Variants in ARFGAP1 observed in about 807,000 individuals in gnomAD.
ARFGAP1 encodes ADP-ribosylation factor GTPase-activating protein 1.
A neutral mutation model predicts 54.0 loss-of-function variants in ARFGAP1; 26 were observed. The ratio of observed to expected loss-of-function variants is 0.48; its 90% CI spans 0.35 to 0.67. The LOEUF (loss-of-function observed/expected upper bound fraction) is 0.67. Among genes scored for constraint, ARFGAP1 ranks in the 30% least tolerant of loss-of-function variants. The pLI is 0.00. For synonymous variants in ARFGAP1, 248 were observed against 211.9 expected (o/e 1.17, Z -1.48); for missense variants, 525 against 535.8 (o/e 0.98, Z 0.20).
At chr20:63,278,408 C>G (rs1244623388) in intron 6 of ARFGAP1, 1 of 535,476 alleles carries the variant, frequency 1.9e-6, no homozygotes, top group Non-Finnish European at 3.3e-6. Flanking sequence ...CCCCAGCCAG[C>G]CCAGGTGTGA....
At position 63,288,916 on chromosome 20, in the gene ARFGAP1, G is replaced by GCCA; in HGVS notation, c.*1047_*1049dup. Reference sequence around the variant, plus strand: ...TTGTACGTGAGGTGCTCTCCTCCCTGCCACCATGCTCATCACTCTGGCCTT... The same window carrying GCCA: ...TTGTACGTGAGGTGCTCTCCTCCCTGCCACCACCATGCTCATCACTCTGGCCTT... On this transcript the variant is annotated 3_prime_UTR_variant, in exon 13 of 13. Coordinates refer to ENST00000370283, the MANE Select transcript of ARFGAP1 (RefSeq NM_018209.4). 1 of 239,778 alleles carries GCCA rather than the reference G, an allele frequency of 4.2e-6. No individual in the cohort carries two copies. Among genetic ancestry groups the GCCA allele is most frequent in the South Asian group, 5.6e-5 (1 of 17,994 alleles). 14.9% of individuals were successfully genotyped at this position (239,778 alleles called of 1,614,324 possible). A position where few individuals can be genotyped will look rare whatever the true frequency, so the allele number is the denominator to read the frequency against.
At chr20:63,285,829 G>T (rs1411940241) in intron 11 of ARFGAP1, 116 bp downstream of exon 11, 1 of 1,494,660 alleles carries the variant, frequency 6.7e-7, no homozygotes, top group South Asian at 1.2e-5. Flanking sequence ...GGCAGTGGCC[G>T]CTGTCCTCTG....
In ARFGAP1 at chr20:63,286,375, G is replaced by T. The variant is rs1420088451; in HGVS notation, c.844G>T (p.Val282Phe). ...VSQLASKVQGVGSKGWRDVTT... is the reference protein window; with the variant it reads ...VSQLASKVQGFGSKGWRDVTT... ...TCCCGTCTCCTTCCAGGTCCAGGGA[G>T]TCGGTAGTAAGGGATGGCGGGACGT... Residue 282 changes from valine to phenylalanine, a missense_variant, in exon 12 of 13, where the codon GTC becomes TTC. Coordinates refer to ENST00000370283, the MANE Select transcript of ARFGAP1 (RefSeq NM_018209.4). 7.4e-6 allele frequency: 12 copies of T among 1,613,378 alleles called. No homozygotes were observed. The South Asian group carries it at 9.9e-5, about 13-fold the overall frequency.
intron 7 of ARFGAP1, among the ~76,000 whole-genome samples, chr20:63,280,643 G>A (rs2067356134): frequency 6.6e-6 from 1 of 152,228 alleles, no homozygotes; most frequent in Admixed American, 6.5e-5. Flanking sequence ...TGCAGTCATT[G>A]CTACATCTTT....
chr20:63,282,924 G>A (rs1373446695), intron 9 of ARFGAP1, 73 bp downstream of exon 9: 1 of 1,538,594 alleles, frequency 6.5e-7, no homozygotes, highest in African/African-American at 1.4e-5. Flanking sequence ...TGCAGCACCT[G>A]AAGCTGCCTG....
chr20:63,281,274 T>C lies in ARFGAP1; in HGVS notation c.628-17T>C. On this transcript the variant is annotated splice_polypyrimidine_tract_variant and intron_variant, in intron 7 of 12. Coordinates refer to ENST00000370283, the MANE Select transcript of ARFGAP1 (RefSeq NM_018209.4). ...GGTCCCAGTCCTGATGTGGCTGCTC[T>C]TTGTCGCCTCCCTCAGGGCTGGAGC... is the stretch of plus-strand genomic sequence containing the variant. 6.3e-7 allele frequency: 1 copy of C among 1,593,336 alleles called. No homozygotes were observed. The highest frequency in any genetic ancestry group is 8.5e-7 in the Non-Finnish European group (1 of 1,172,092).
chr20:63,282,409 C>T lies in ARFGAP1; in HGVS notation c.685-410C>T, dbSNP rs185186095. On this transcript the variant is annotated intron_variant, in intron 8 of 12. Transcript: ENST00000370283. The stretch of plus-strand genomic sequence containing the variant: ...GCCTGGACTGTGCTGGGCATGGAGC[C>T]GTCCCCACAGCAGGGTAGATGGGGC... Among the ~76,000 whole-genome samples the T allele has an allele frequency of 1.2e-4, 19 of 152,366 alleles. No individual in the cohort carries two copies. The East Asian group carries it at 2.9e-3, about 23-fold the overall frequency.
intron 11 of ARFGAP1, chr20:63,286,028 T>C: frequency 6.5e-7 from 1 of 1,546,800 alleles, no homozygotes; most frequent in Non-Finnish European, 8.7e-7. Flanking sequence ...TGCGGGCCAT[T>C]TGGGGCGTGC....
chr20:63,284,390 C>G (rs1241511138), intron 9 of ARFGAP1: 12 of 1,072,040 alleles, frequency 1.1e-5, no homozygotes, highest in Middle Eastern at 2.9e-4. Context: ...ACTCCACTGA[C>G]CCAGGATCAG....
chr20:63,288,134 C>T lies in ARFGAP1; in HGVS notation c.*261C>T, dbSNP rs1304845912. 3 of 601,054 alleles carry T rather than the reference C, an allele frequency of 5.0e-6. No homozygotes were observed. Among genetic ancestry groups the T allele is most frequent in the Non-Finnish European group, 9.1e-6 (3 of 331,452 alleles). 37.2% of individuals were successfully genotyped at this position (601,054 alleles called of 1,614,324 possible). ...CCCCTGGGCATTCTTGGACTCAAGG[C>T]CGGGGCTCTGCGTGGCTTGCTGGGA... On this transcript the variant is annotated 3_prime_UTR_variant, in exon 13 of 13. Transcript: ENST00000370283.
At position 63,286,047 on chromosome 20, in the gene ARFGAP1, C is replaced by T. The variant is rs750999004; in HGVS notation, c.835-319C>T. On this transcript the variant is annotated intron_variant, in intron 11 of 12. Transcript: ENST00000370283. The stretch of plus-strand genomic sequence containing the variant: ...GGCCATTTGGGGCGTGCATTTTGTC[C>T]TGTTTCCTGGCATGAGGCGCTCTGC... 73 of 1,549,184 alleles carry T rather than the reference C, an allele frequency of 4.7e-5. No individual in the cohort carries two copies. In the Middle Eastern group the frequency reaches 5.0e-4, roughly 11 times the overall value.
chr20:63,277,857 C>A (rs1010776715), intron 5 of ARFGAP1, among the ~76,000 whole-genome samples: 1 of 152,254 alleles, frequency 6.6e-6, no homozygotes, highest in African/African-American at 2.4e-5. Context: ...CTCACCTCTC[C>A]CCGCTGCCTC....
Position 63,285,777 on chromosome 20 carries a change from C to T in ARFGAP1, c.834+64C>T, listed in dbSNP as rs116273283. 4.0e-3 allele frequency: 6,393 copies of T among 1,586,174 alleles called. 205 individuals carry two copies. The African/African-American group carries it at 0.073, about 18-fold the overall frequency. On this transcript the variant is annotated intron_variant, in intron 11 of 12. Coordinates refer to ENST00000370283, the MANE Select transcript of ARFGAP1 (RefSeq NM_018209.4). ...AGTCTCCATATTCCACGGCCCTGGG[C>T]GTGAGAGCAGGGTGTGCCCCGTGCA...
intron 6 of ARFGAP1, 151 bp downstream of exon 6, chr20:63,278,354 G>C (rs1319710317): frequency 1.2e-5 from 9 of 723,930 alleles, no homozygotes; most frequent in Non-Finnish European, 1.8e-5. Flanking sequence ...GTGAGTCCCA[G>C]CCAGCCCAGT....
Position 63,289,315 on chromosome 20 carries a change from C to G in ARFGAP1, c.*1442C>G, listed in dbSNP as rs1009867781. On this transcript the variant is annotated 3_prime_UTR_variant, in exon 13 of 13. Coordinates refer to ENST00000370283, the MANE Select transcript of ARFGAP1 (RefSeq NM_018209.4). ...GCCCCCGAGAGCTGAGCGTGGGGGT[C>G]TTTGAGTGTCTTTCTCCAAGCTGAG... is the stretch of plus-strand genomic sequence containing the variant. 1 of 152,148 alleles carries G rather than the reference C, an allele frequency of 6.6e-6. No individual in the cohort carries two copies. The highest frequency in any genetic ancestry group is 2.4e-5 in the African/African-American group (1 of 41,406). 9.4% of individuals were successfully genotyped at this position (152,148 alleles called of 1,614,324 possible).
chr20:63,283,213 C>G (rs1321952712), intron 9 of ARFGAP1: 1 of 367,146 alleles, frequency 2.7e-6, no homozygotes, highest in Non-Finnish European at 5.0e-6. Context: ...GGTGCTGTGC[C>G]TGCGGCACAC....
intron 2 of ARFGAP1, among the ~76,000 whole-genome samples, chr20:63,275,887 G>A (rs992316681): frequency 3.3e-5 from 5 of 152,200 alleles, no homozygotes; most frequent in African/African-American, 1.2e-4. Flanking sequence ...CAGGTCACTC[G>A]CTCTAAGGAC....
intron 9 of ARFGAP1, chr20:63,284,474 ACTCGGTGC>A: frequency 9.1e-7 from 1 of 1,093,032 alleles, no homozygotes; most frequent in Non-Finnish European, 1.1e-6. Flanking sequence ...TCCAGGGGGG[ACTCGGTGC>A]CTGCCTGGGG....
intron 9 of ARFGAP1, 127 bp downstream of exon 9, chr20:63,282,978 G>A: frequency 2.9e-6 from 3 of 1,036,414 alleles, no homozygotes; most frequent in Admixed American, 1.9e-5. Context: ...AGGGGTCCCA[G>A]CGTAGAAGGG....
Sources: allele counts gnomAD v4.1 joint callset (sites outside exome capture counted in the v4.1 genomes callset), GRCh38; gene constraint gnomAD v4.1.1; transcripts MANE v1.5; gene names NCBI Gene and HGNC (gene_info 2026-07-23, HGNC 2026-07-21).